MBD5: variants seen among roughly 807,000 people sequenced by gnomAD.
MBD5 encodes the protein methyl-CpG-binding domain protein 5.
In MBD5, 13 loss-of-function variants were observed where a neutral mutation model predicts 117.3. The observed-to-expected ratio is 0.11, with a 90% CI of 0.07 to 0.18. The LOEUF (loss-of-function observed/expected upper bound fraction) is 0.18. Among genes scored for constraint, MBD5 ranks in the 10% least tolerant of loss-of-function variants. The pLI, the probability that MBD5 is intolerant of heterozygous loss-of-function variation, is 1.00. For synonymous variants in MBD5, 727 were observed against 766.4 expected (o/e 0.95, Z 0.85); for missense variants, 1,879 against 2,093.8 (o/e 0.90, Z 2.00).
intron 3 of MBD5, among the ~76,000 whole-genome samples, chr2:148,291,984 A>G (rs1360703014): frequency 1.3e-5 from 2 of 152,216 alleles, no homozygotes; most frequent in East Asian, 1.9e-4. Context: ...CTTTTCAATA[A>G]TTGGTGCTGG....
intron 3 of MBD5, among the ~76,000 whole-genome samples, chr2:148,272,168 T>A (rs1176599486): frequency 6.6e-6 from 1 of 152,226 alleles, no homozygotes; most frequent in Non-Finnish European, 1.5e-5. Context: ...ATACACCATG[T>A]TTTCTTTACC....
intron 4 of MBD5, among the ~76,000 whole-genome samples, chr2:148,444,029 G>T (rs1706413931): frequency 6.6e-6 from 1 of 150,994 alleles, no homozygotes; most frequent in Admixed American, 6.6e-5. Context: ...TACCTACTGT[G>T]TACCCACAAA....
At chr2:148,270,372 A>G (rs1700955009) in intron 3 of MBD5, among the ~76,000 whole-genome samples, 2 of 149,872 alleles carry the variant, frequency 1.3e-5, no homozygotes, top group Admixed American at 6.8e-5. Flanking sequence ...TTAGAGAGGA[A>G]ACTTCCATTA....
chr2:148,139,872 C>G (rs1355844520), intron 1 of MBD5, among the ~76,000 whole-genome samples: 1 of 152,178 alleles, frequency 6.6e-6, no homozygotes, highest in Admixed American at 6.5e-5. Context: ...TAAGGTCAAG[C>G]TGCTGCTCAA....
chr2:148,161,593 G>T (rs192993612), intron 1 of MBD5, among the ~76,000 whole-genome samples: 2 of 151,982 alleles, frequency 1.3e-5, no homozygotes, highest in African/African-American at 2.4e-5. Flanking sequence ...GAGTGTAGCC[G>T]TTTACTAGGG....
At chr2:148,417,794 T>G (rs1382684057) in intron 4 of MBD5, among the ~76,000 whole-genome samples, 1 of 152,148 alleles carries the variant, frequency 6.6e-6, no homozygotes, top group Non-Finnish European at 1.5e-5. Flanking sequence ...TTTGCCCACT[T>G]TTTAATGGGT....
At position 148,462,566 on chromosome 2, in the gene MBD5, T is replaced by C; in HGVS notation, c.114-16T>C. On this transcript the variant is annotated splice_polypyrimidine_tract_variant and intron_variant, in intron 5 of 13. Coordinates refer to ENST00000642680, the MANE Select transcript of MBD5 (RefSeq NM_001378120.1). ...TCAAAATTATTTCCTGATGTTTTTT[T>C]AAACTATTTTTACAGTCCCAGTGGG... 1 of 1,504,410 alleles carries C rather than the reference T, an allele frequency of 6.6e-7. No individual in the cohort carries two copies. Among genetic ancestry groups the C allele is most frequent in the Non-Finnish European group, 9.2e-7 (1 of 1,081,196 alleles). 93.2% of individuals were successfully genotyped at this position (1,504,410 alleles called of 1,614,324 possible).
chr2:148,089,914 A>G (rs1295735545), intron 1 of MBD5, among the ~76,000 whole-genome samples: 1 of 152,140 alleles, frequency 6.6e-6, no homozygotes, highest in Non-Finnish European at 1.5e-5. Flanking sequence ...CAGTTATTTG[A>G]AAAGATAAAC....
Position 148,469,202 on chromosome 2 carries a change from G to A in MBD5, c.1259G>A (p.Gly420Glu), listed in dbSNP as rs142661175. 4 of 1,613,864 alleles carry A rather than the reference G, an allele frequency of 2.5e-6. No individual in the cohort carries two copies. Among genetic ancestry groups the A allele is most frequent in the African/African-American group, 1.3e-5 (1 of 74,874 alleles). The change falls in exon 8 of 14, where the codon GGG (glycine) becomes GAG (glutamate). Residue 420 changes from glycine to glutamate, a missense_variant. Gly to Glu is a moderately conservative substitution (Grantham distance 98). Transcript: ENST00000642680. Reference protein sequence around the residue: ...PTVKPGHMNHGSHVQRVQHSA... With the variant: ...PTVKPGHMNHESHVQRVQHSA... ...GTAAAACCTGGTCACATGAATCATG[G>A]GAGTCATGTACAAAGAGTTCAGCAT... is the stretch of plus-strand genomic sequence containing the variant.
rs1281188367 is a variant in MBD5, at chr2:148,425,190, AT to A, written c.-556-33012del. 2.0e-5 allele frequency among the ~76,000 whole-genome samples: 3 copies of A among 152,318 alleles called. No homozygotes were observed. In the South Asian group the frequency reaches 6.2e-4, roughly 32 times the overall value. On this transcript the variant is annotated intron_variant, in intron 4 of 13. Coordinates refer to ENST00000642680, the MANE Select transcript of MBD5 (RefSeq NM_001378120.1). Reference sequence around the variant, plus strand: ...GAATCAACTAGACACAATAAAAAAAATGATAAAGGGAATATCACCACTGATC... The same window carrying A: ...GAATCAACTAGACACAATAAAAAAAAGATAAAGGGAATATCACCACTGATC...
At chr2:148,159,400 C>A (rs1697952719) in intron 1 of MBD5, among the ~76,000 whole-genome samples, 1 of 152,090 alleles carries the variant, frequency 6.6e-6, no homozygotes, top group Non-Finnish European at 1.5e-5. Context: ...ACTACAACCT[C>A]CACCTCCCAG....
chr2:148,072,876 T>C (rs1695400138), intron 1 of MBD5, among the ~76,000 whole-genome samples: 1 of 152,072 alleles, frequency 6.6e-6, no homozygotes, highest in Non-Finnish European at 1.5e-5. Context: ...TAAACCACAG[T>C]GATTTGGTTG....
intron 1 of MBD5, among the ~76,000 whole-genome samples, chr2:148,158,481 T>C (rs1417800138): frequency 2.0e-5 from 3 of 152,182 alleles, no homozygotes; most frequent in African/African-American, 4.8e-5. Context: ...GTCTACTCAT[T>C]ATACCCAGAG....
intron 4 of MBD5, among the ~76,000 whole-genome samples, chr2:148,367,428 A>G (rs1703733533): frequency 6.6e-6 from 1 of 152,230 alleles, no homozygotes; most frequent in Admixed American, 6.5e-5. Context: ...CAAAGCCTTC[A>G]TGACCAAAAC....
chr2:148,071,653 T>G (rs1172472125), intron 1 of MBD5: 1 of 152,192 alleles, frequency 6.6e-6, no homozygotes, highest in African/African-American at 2.4e-5. Context: ...AAAGAAAAGA[T>G]ATTTGCTCTG....
chr2:148,263,084 C>G (rs986101421), intron 3 of MBD5, among the ~76,000 whole-genome samples: 2 of 152,034 alleles, frequency 1.3e-5, no homozygotes, highest in Admixed American at 1.3e-4. Flanking sequence ...ATGGAGAATA[C>G]AAGAAAGAGA....
At chr2:148,170,803 A>G (rs1698245704) in intron 1 of MBD5, among the ~76,000 whole-genome samples, 1 of 152,236 alleles carries the variant, frequency 6.6e-6, no homozygotes, top group Non-Finnish European at 1.5e-5. Context: ...AATGAAAGAG[A>G]AGACATTACA....
chr2:148,393,208 A>T (rs1235889829), intron 4 of MBD5: 3 of 152,168 alleles, frequency 2.0e-5, no homozygotes, highest in Non-Finnish European at 4.4e-5. Context: ...AATTACCAGC[A>T]TGTTTTAGAG....
intron 1 of MBD5, among the ~76,000 whole-genome samples, chr2:148,103,197 G>A (rs1196739910): frequency 6.6e-6 from 1 of 152,158 alleles, no homozygotes. Flanking sequence ...AGCCAAAGCC[G>A]GCTCCAACTA....
Sources: allele counts gnomAD v4.1 joint callset (sites outside exome capture counted in the v4.1 genomes callset), GRCh38; gene constraint gnomAD v4.1.1; transcripts MANE v1.5; gene names NCBI Gene and HGNC (gene_info 2026-07-23, HGNC 2026-07-21).